PCLO: variants seen among roughly 807,000 people sequenced by gnomAD.
PCLO encodes piccolo presynaptic cytomatrix protein, also known as protein piccolo.
Under a neutral mutation model 427.5 loss-of-function variants are expected in PCLO, and 82 were observed. The observed-to-expected ratio is 0.19, with a 90% CI of 0.16 to 0.23. The LOEUF is 0.23. Among genes scored for constraint, PCLO ranks in the 10% least tolerant of loss-of-function variants. The pLI is 1.00. For missense variants in PCLO, 6,239 were observed against 6,115.9 expected (o/e 1.02, Z -0.67); for synonymous variants, 2,357 against 2,155.4 (o/e 1.09, Z -2.59).
intron 17 of PCLO, among the ~76,000 whole-genome samples, chr7:82,827,637 T>A (rs1047087338): frequency 6.6e-6 from 1 of 152,060 alleles, no homozygotes; most frequent in African/African-American, 2.4e-5. Flanking sequence ...ATTCCACTAG[T>A]TTTCTTATTT....
intron 1 of PCLO, among the ~76,000 whole-genome samples, chr7:83,159,981 T>C (rs577403286): frequency 6.6e-6 from 1 of 152,176 alleles, no homozygotes; most frequent in South Asian, 2.1e-4. Context: ...AACTGATTTT[T>C]CCACATGTAA....
chr7:83,024,632 T>C (rs1448199004), intron 3 of PCLO, among the ~76,000 whole-genome samples: 3 of 152,182 alleles, frequency 2.0e-5, no homozygotes, highest in East Asian at 3.9e-4. Flanking sequence ...CCTGCCTCTG[T>C]AGGCTCCACC....
At chr7:82,933,684 C>T (rs1481526867) in intron 6 of PCLO, among the ~76,000 whole-genome samples, 1 of 151,816 alleles carries the variant, frequency 6.6e-6, no homozygotes, top group African/African-American at 2.4e-5. Context: ...TTTAAACACA[C>T]ACAAATAAAA....
At chr7:82,989,509 T>G (rs1401028220) in intron 3 of PCLO, among the ~76,000 whole-genome samples, 4 of 152,224 alleles carry the variant, frequency 2.6e-5, no homozygotes, top group Non-Finnish European at 5.9e-5. Flanking sequence ...CATTTGAATA[T>G]AATTTACTCA....
chr7:82,807,993 A>T (rs975081834), intron 20 of PCLO, among the ~76,000 whole-genome samples: 1 of 152,002 alleles, frequency 6.6e-6, no homozygotes, highest in South Asian at 2.1e-4. Flanking sequence ...GAATAATTTT[A>T]AAAATGTAAA....
At chr7:82,895,847 C>T (rs766504585) in intron 9 of PCLO, among the ~76,000 whole-genome samples, 2 of 151,794 alleles carry the variant, frequency 1.3e-5, no homozygotes, top group Non-Finnish European at 2.9e-5. Context: ...AAAGCTTAGG[C>T]CAGGTGATTT....
chr7:82,761,119 C>G (rs764868320), intron 23 of PCLO, among the ~76,000 whole-genome samples: 1 of 151,274 alleles, frequency 6.6e-6, no homozygotes, highest in South Asian at 2.1e-4. Flanking sequence ...ACTGATATAT[C>G]TATTTTTCTT....
At chr7:82,764,255 C>A (rs1790487779) in intron 22 of PCLO, among the ~76,000 whole-genome samples, 1 of 151,752 alleles carries the variant, frequency 6.6e-6, no homozygotes, top group African/African-American at 2.4e-5. Flanking sequence ...AGTCAATGGT[C>A]ATGTAAGAGG....
At chr7:82,878,984 T>A (rs1793437066) in intron 10 of PCLO, among the ~76,000 whole-genome samples, 1 of 152,206 alleles carries the variant, frequency 6.6e-6, no homozygotes, top group Admixed American at 6.5e-5. Flanking sequence ...TCATTTGATT[T>A]TTTTTGTAGC....
chr7:83,139,320 A>T (rs1791808480), intron 2 of PCLO, among the ~76,000 whole-genome samples: 1 of 152,132 alleles, frequency 6.6e-6, no homozygotes, highest in South Asian at 2.1e-4. Flanking sequence ...TTCTTCTGAA[A>T]AATTTCTTGG....
intron 3 of PCLO, among the ~76,000 whole-genome samples, chr7:83,101,268 C>A (rs185694552): frequency 2.2e-4 from 32 of 145,650 alleles, no homozygotes; most frequent in Non-Finnish European, 9.0e-5. Context: ...TTAAAAACAA[C>A]CAAAAAATAA....
intron 3 of PCLO, among the ~76,000 whole-genome samples, chr7:83,050,912 T>C (rs1430643629): frequency 1.3e-5 from 2 of 151,778 alleles, no homozygotes; most frequent in Non-Finnish European, 2.9e-5. Flanking sequence ...AAACTCTCTC[T>C]CTCTCCAAAA....
Position 82,952,793 on chromosome 7 carries a change from T to C in PCLO, c.8160A>G (p.Lys2720=). The part of the protein sequence containing the change: ...LEKPQYKEDG[K]LQLVGDVIDL... ...CAATTACATCACCAACAAGTTGCAA[T>C]TTTCCATCTTCTTTATACTGAGGCT... Residue 2720 remains lysine, a synonymous_variant, in exon 5 of 25, where the codon AAA becomes AAG. Coordinates refer to ENST00000333891, the MANE Select transcript of PCLO (RefSeq NM_033026.6). 1.2e-6 allele frequency: 2 copies of C among 1,613,692 alleles called. No homozygotes were observed. The highest frequency in any genetic ancestry group is 1.7e-6 in the Non-Finnish European group (2 of 1,179,726).
At chr7:83,131,386 C>T (rs1234507043) in intron 3 of PCLO, among the ~76,000 whole-genome samples, 2 of 152,000 alleles carry the variant, frequency 1.3e-5, no homozygotes, top group Non-Finnish European at 2.9e-5. Flanking sequence ...ACCTTAGCGA[C>T]AGGTGTGTTT....
In PCLO at chr7:83,153,758, A is replaced by C. The variant is rs1225371557; in HGVS notation, c.1893+990T>G. On this transcript the variant is annotated intron_variant, in intron 2 of 24. Transcript: ENST00000333891. ...TTATATGCTGATCATTACCTACTAAATGTGGAAAGCCAAAGTCTGACTCTA... is the reference window on the plus strand; with the variant it reads ...TTATATGCTGATCATTACCTACTAACTGTGGAAAGCCAAAGTCTGACTCTA... Among the ~76,000 whole-genome samples the C allele has an allele frequency of 2.0e-5, 3 of 152,182 alleles. No individual in the cohort carries two copies. In the East Asian group the frequency reaches 5.8e-4, roughly 29 times the overall value.
rs188607010 is a variant in PCLO at position 82,848,349 on chromosome 7, C to T, written c.13655-1102G>A. 8.2e-4 allele frequency among the ~76,000 whole-genome samples: 105 copies of T among 128,102 alleles called. 4 individuals are homozygous for T. The East Asian group carries it at 9.2e-3, about 11-fold the overall frequency. The allele number at this position is 128,102 out of a possible 152,430, so 84.0% of individuals were successfully genotyped here. On this transcript the variant is annotated intron_variant, in intron 10 of 24. Transcript: ENST00000333891. Reference sequence around the variant, plus strand: ...TTTTTTTAAACAGGTCCCACTCTGTCGCCCAGACTGGAGTGCAGTGGTGTA... The same window carrying T: ...TTTTTTTAAACAGGTCCCACTCTGTTGCCCAGACTGGAGTGCAGTGGTGTA...
chr7:82,983,291 A>T (rs17156956), intron 3 of PCLO, among the ~76,000 whole-genome samples: 6,905 of 151,194 alleles, frequency 0.046, 557 homozygotes, highest in African/African-American at 0.16. Flanking sequence ...ACCTATACTT[A>T]TAATTAGCAC....
At chr7:83,056,819 T>C (rs932382749) in intron 3 of PCLO, among the ~76,000 whole-genome samples, 2 of 152,048 alleles carry the variant, frequency 1.3e-5, no homozygotes, top group African/African-American at 4.8e-5. Context: ...CACTGCTCTT[T>C]ATTTATCACT....
intron 3 of PCLO, among the ~76,000 whole-genome samples, chr7:82,971,647 A>T (rs1795909630): frequency 6.8e-6 from 1 of 147,974 alleles, no homozygotes. Context: ...ATTTCATTTT[A>T]AGGTGCTGTT....
Sources: gnomAD v4.1 joint callset for allele counts (sites outside exome capture counted in the v4.1 genomes callset) on GRCh38, gnomAD v4.1.1 for gene constraint, MANE v1.5 for transcripts, NCBI Gene and HGNC (gene_info 2026-07-23, HGNC 2026-07-21) for gene names.